RBFOX2: variants seen among roughly 807,000 people sequenced by gnomAD.
RBFOX2 encodes RNA binding fox-1 homolog 2.
A neutral mutation model predicts 49.1 loss-of-function variants in RBFOX2; 10 were observed. That is an observed-to-expected ratio of 0.20 (90% confidence interval 0.13 to 0.35). The LOEUF is 0.35. Among genes scored for constraint, RBFOX2 ranks in the 10% least tolerant of loss-of-function variants. The pLI is 1.00. For synonymous variants in RBFOX2, 183 were observed against 187.4 expected (o/e 0.98, Z 0.19); for missense variants, 323 against 486.9 (o/e 0.66, Z 3.17).
intron 1 of RBFOX2, among the ~76,000 whole-genome samples, chr22:35,969,523 G>A (rs544347477): frequency 1.3e-5 from 2 of 152,166 alleles, no homozygotes; most frequent in African/African-American, 4.8e-5. Context: ...GCAGTGAGCC[G>A]AGATCGCACC....
At chr22:35,871,653 T>C (rs2044368452) in intron 1 of RBFOX2, among the ~76,000 whole-genome samples, 1 of 152,110 alleles carries the variant, frequency 6.6e-6, no homozygotes, top group African/African-American at 2.4e-5. Flanking sequence ...TGGAAAGGAA[T>C]ACCATCAAAC....
intron 1 of RBFOX2, among the ~76,000 whole-genome samples, chr22:35,982,883 C>CACAGCCCT (rs1759557239): frequency 6.6e-6 from 1 of 151,868 alleles, no homozygotes; most frequent in African/African-American, 2.4e-5. Flanking sequence ...ACAAAACTAC[C>CACAGCCCT]ACAGCCCTAC....
chr22:35,761,495 C>T (rs868505511), intron 6 of RBFOX2, 27 bp from the exon 8 acceptor site: 2 of 1,611,946 alleles, frequency 1.2e-6, no homozygotes, highest in Middle Eastern at 3.4e-4. Context: ...GGAAGGTAAG[C>T]ATTTAAGACT....
At chr22:35,772,431 A>T (rs556620250) in intron 4 of RBFOX2, among the ~76,000 whole-genome samples, 1 of 152,284 alleles carries the variant, frequency 6.6e-6, no homozygotes, top group Admixed American at 6.5e-5. Context: ...ATATTAAAAC[A>T]TTATTAGTGA....
chr22:36,011,036 A>T (rs997210189), intron 1 of RBFOX2, among the ~76,000 whole-genome samples: 1 of 152,222 alleles, frequency 6.6e-6, no homozygotes, highest in Non-Finnish European at 1.5e-5. Context: ...ACACTCAATC[A>T]GGATAAACCT....
chr22:35,883,223 C>T (rs753096848), intron 1 of RBFOX2, among the ~76,000 whole-genome samples: 1 of 152,136 alleles, frequency 6.6e-6, no homozygotes, highest in Non-Finnish European at 1.5e-5. Flanking sequence ...TAGGGGTGTC[C>T]GACAGCCTCT....
At chr22:35,913,256 T>C (rs1195718620) in intron 1 of RBFOX2, among the ~76,000 whole-genome samples, 2 of 152,068 alleles carry the variant, frequency 1.3e-5, no homozygotes, top group Admixed American at 1.3e-4. Flanking sequence ...GAAAGGAAGA[T>C]TGCTTGAGCC....
intron 1 of RBFOX2, among the ~76,000 whole-genome samples, chr22:35,931,320 A>G (rs951958016): frequency 6.7e-6 from 1 of 150,240 alleles, no homozygotes; most frequent in African/African-American, 2.4e-5. Flanking sequence ...TTTAGTTAAA[A>G]AAAAAAAAAA....
intron 4 of RBFOX2, among the ~76,000 whole-genome samples, chr22:35,777,017 T>G (rs1420720014): frequency 6.8e-6 from 1 of 147,276 alleles, no homozygotes; most frequent in Non-Finnish European, 1.5e-5. Context: ...GGGAAATAAT[T>G]TTTTTTTTTT....
At chr22:35,873,953 G>C (rs1048775731) in intron 1 of RBFOX2, among the ~76,000 whole-genome samples, 3 of 152,168 alleles carry the variant, frequency 2.0e-5, no homozygotes, top group Admixed American at 1.3e-4. Flanking sequence ...GGGATTACAA[G>C]AGTGAGCCAT....
chr22:35,904,428 A>G (rs1272222270), intron 1 of RBFOX2, among the ~76,000 whole-genome samples: 1 of 152,172 alleles, frequency 6.6e-6, no homozygotes, highest in Non-Finnish European at 1.5e-5. Flanking sequence ...GGGAAGGTCA[A>G]AGTTATTTGC....
chr22:36,005,324 T>A (rs1266207589), intron 1 of RBFOX2, among the ~76,000 whole-genome samples: 2 of 152,100 alleles, frequency 1.3e-5, no homozygotes, highest in African/African-American at 4.8e-5. Flanking sequence ...GAAGGAAGCA[T>A]AAAATATAAA....
intron 1 of RBFOX2, among the ~76,000 whole-genome samples, chr22:35,826,273 C>T (rs1197092437): frequency 7.4e-5 from 10 of 134,388 alleles, no homozygotes; most frequent in Admixed American, 5.9e-4. Flanking sequence ...ACCTGGGAGG[C>T]GGAGGTTGCA....
chr22:35,938,454 T>C (rs1360527315), intron 1 of RBFOX2, among the ~76,000 whole-genome samples: 1 of 152,170 alleles, frequency 6.6e-6, no homozygotes, highest in Non-Finnish European at 1.5e-5. Flanking sequence ...TGGAATTTTC[T>C]TGCTACAGAT....
At chr22:35,869,089 C>A (rs957868075) in intron 1 of RBFOX2, among the ~76,000 whole-genome samples, 3 of 152,140 alleles carry the variant, frequency 2.0e-5, no homozygotes, top group Non-Finnish European at 4.4e-5. Context: ...GGCTACCCCA[C>A]CCCACTGTGA....
At chr22:35,847,293 T>C (rs1352371075) in intron 1 of RBFOX2, among the ~76,000 whole-genome samples, 2 of 152,356 alleles carry the variant, frequency 1.3e-5, no homozygotes, top group Non-Finnish European at 2.9e-5. Flanking sequence ...ATTTTCGAAC[T>C]TTCTGTTGAA....
chr22:35,883,516 G>A (rs1303922007), intron 1 of RBFOX2, among the ~76,000 whole-genome samples: 1 of 152,178 alleles, frequency 6.6e-6, no homozygotes, highest in African/African-American at 2.4e-5. Context: ...TCCCCGGAGT[G>A]GCTCTTGAAT....
intron 2 of RBFOX2, among the ~76,000 whole-genome samples, chr22:35,800,590 C>G (rs956951515): frequency 6.6e-6 from 1 of 152,110 alleles, no homozygotes; most frequent in Non-Finnish European, 1.5e-5. Context: ...ACCATCTATG[C>G]TTACTCGAAT....
intron 1 of RBFOX2, among the ~76,000 whole-genome samples, chr22:35,929,232 C>G (rs2052058962): frequency 6.6e-6 from 1 of 151,966 alleles, no homozygotes; most frequent in South Asian, 2.1e-4. Context: ...ATCCACCCAC[C>G]TCAGCCTCCC....
Sources: gnomAD v4.1 joint callset for allele counts (sites outside exome capture counted in the v4.1 genomes callset) on GRCh38, gnomAD v4.1.1 for gene constraint, MANE v1.5 for transcripts, NCBI Gene and HGNC (gene_info 2026-07-23, HGNC 2026-07-21) for gene names.